KCNQ5: variants seen among roughly 807,000 people sequenced by gnomAD.
The protein encoded by KCNQ5 is potassium voltage-gated channel subfamily KQT member 5.
A neutral mutation model predicts 98.2 loss-of-function variants in KCNQ5; 30 were observed. That is an observed-to-expected ratio of 0.31 (90% CI 0.23 to 0.41). KCNQ5 has a LOEUF of 0.41. Among genes scored for constraint, KCNQ5 ranks in the 10% least tolerant of loss-of-function variants. The pLI, the probability that KCNQ5 is intolerant of heterozygous loss-of-function variation, is 1.00. For missense variants in KCNQ5, 835 were observed against 1,182.5 expected, an observed-to-expected ratio of 0.71 and a Z score of 4.31; for synonymous variants, 458 against 449.4, an observed-to-expected ratio of 1.02 and a Z score of -0.24.
chr6:72,771,991 C>A (rs183624044), intron 1 of KCNQ5, among the ~76,000 whole-genome samples: 3 of 152,148 alleles, frequency 2.0e-5, no homozygotes, highest in East Asian at 3.9e-4. Context: ...TGGTTTTCAG[C>A]AAATTCTAAC....
intron 1 of KCNQ5, among the ~76,000 whole-genome samples, chr6:72,962,765 G>A (rs1441542013): frequency 6.6e-6 from 1 of 152,164 alleles, no homozygotes; most frequent in African/African-American, 2.4e-5. Context: ...TGAGGCCACT[G>A]GAGCCAGGAC....
At chr6:72,944,726 C>A (rs1766458018) in intron 1 of KCNQ5, among the ~76,000 whole-genome samples, 1 of 152,186 alleles carries the variant, frequency 6.6e-6, no homozygotes, top group South Asian at 2.1e-4. Context: ...GAAAAACCTG[C>A]CACCAACCTG....
chr6:72,946,937 C>T (rs969948186), intron 1 of KCNQ5, among the ~76,000 whole-genome samples: 6 of 152,118 alleles, frequency 3.9e-5, no homozygotes, highest in Non-Finnish European at 7.4e-5. Flanking sequence ...ATGACCAGTC[C>T]CCAGACTTTT....
chr6:72,659,293 C>T (rs1353264730), intron 1 of KCNQ5, among the ~76,000 whole-genome samples: 1 of 152,154 alleles, frequency 6.6e-6, no homozygotes, highest in Non-Finnish European at 1.5e-5. Flanking sequence ...TCCTCATCCC[C>T]TCATTCCAAA....
intron 9 of KCNQ5, among the ~76,000 whole-genome samples, chr6:73,132,454 A>G (rs1349161470): frequency 6.6e-6 from 1 of 152,220 alleles, no homozygotes; most frequent in East Asian, 1.9e-4. Flanking sequence ...GATTCCCACA[A>G]GAATCCCTTA....
intron 1 of KCNQ5, among the ~76,000 whole-genome samples, chr6:72,961,071 AC>A (rs1054743479): frequency 6.6e-6 from 1 of 152,196 alleles, no homozygotes; most frequent in African/African-American, 2.4e-5. Context: ...GGAGTTTGAG[AC>A]CAGCCTGGGC....
At position 72,992,846 on chromosome 6, in the gene KCNQ5, G is replaced by T. The variant is rs1239252167; in HGVS notation, c.399-11062G>T. On this transcript the variant is annotated intron_variant, in intron 1 of 13. Transcript: ENST00000370398. ...CGCTTCCTTCAAGAGCTCTTTTAGG[G>T]CAGGCCTGGTGGTGACAAAATCTCT... 2.7e-4 allele frequency among the ~76,000 whole-genome samples: 26 copies of T among 96,206 alleles called. 1 individual carries two copies. The highest frequency in any genetic ancestry group is 1.3e-3 in the African/African-American group (25 of 18,840). 63.1% of individuals were successfully genotyped at this position (96,206 alleles called of 152,430 possible). A position where few individuals can be genotyped will look rare whatever the true frequency, so the allele number is the denominator to read the frequency against.
At chr6:73,144,587 C>T (rs1175575831) in intron 10 of KCNQ5, among the ~76,000 whole-genome samples, 1 of 152,180 alleles carries the variant, frequency 6.6e-6, no homozygotes, top group Non-Finnish European at 1.5e-5. Flanking sequence ...GACCCTATAT[C>T]TCTTCATGTT....
At chr6:73,020,060 G>T (rs867916164) in intron 2 of KCNQ5, among the ~76,000 whole-genome samples, 1 of 151,722 alleles carries the variant, frequency 6.6e-6, no homozygotes. Context: ...ATGTGTGGGG[G>T]TTTTTCCCTA....
At chr6:72,915,480 G>T (rs932431316) in intron 1 of KCNQ5, among the ~76,000 whole-genome samples, 2 of 151,932 alleles carry the variant, frequency 1.3e-5, no homozygotes, top group East Asian at 1.9e-4. Context: ...TTGATCAAAT[G>T]GCTTCCATAG....
At chr6:72,714,230 G>T (rs1210068260) in intron 1 of KCNQ5, among the ~76,000 whole-genome samples, 1 of 152,086 alleles carries the variant, frequency 6.6e-6, no homozygotes, top group Non-Finnish European at 1.5e-5. Flanking sequence ...ACTATCTTAG[G>T]TATTAAGTTC....
chr6:72,962,627 G>A (rs1399558133), intron 1 of KCNQ5, among the ~76,000 whole-genome samples: 1 of 152,180 alleles, frequency 6.6e-6, no homozygotes, highest in African/African-American at 2.4e-5. Context: ...GAGAATCACT[G>A]AAGGTTGTTA....
Position 73,170,252 on chromosome 6 carries a change from G to T in KCNQ5, c.1577+398G>T, listed in dbSNP as rs74931273. On this transcript the variant is annotated intron_variant, in intron 11 of 13. Transcript: ENST00000370398. ...AAGGCCTTGTAGGTTATTTCAAAATGGGTTGAGTTCTGAAAATGGGAAACC... is the reference window on the plus strand; with the variant it reads ...AAGGCCTTGTAGGTTATTTCAAAATTGGTTGAGTTCTGAAAATGGGAAACC... Among the ~76,000 whole-genome samples, 1,374 of 152,220 alleles carry T rather than the reference G, an allele frequency of 9.0e-3. 18 individuals carry two copies. The highest frequency in any genetic ancestry group is 0.061 in the East Asian group (317 of 5,182).
intron 11 of KCNQ5, among the ~76,000 whole-genome samples, chr6:73,175,672 T>C (rs751439252): frequency 3.9e-5 from 6 of 152,114 alleles, no homozygotes; most frequent in Middle Eastern, 3.2e-3. Flanking sequence ...GTTCAGTGCA[T>C]GCATTTGAAA....
At chr6:72,676,300 TTCTC>T (rs777006817) in intron 1 of KCNQ5, among the ~76,000 whole-genome samples, 11 of 151,498 alleles carry the variant, frequency 7.3e-5, no homozygotes, top group Non-Finnish European at 1.2e-4. Context: ...AATTTTGTCT[TTCTC>T]TCCCTTTTTC....
chr6:72,676,268 T>A (rs1474253771), intron 1 of KCNQ5, among the ~76,000 whole-genome samples: 1 of 152,236 alleles, frequency 6.6e-6, no homozygotes, highest in Admixed American at 6.5e-5. Context: ...TGTGGGAATG[T>A]AATGTATCTG....
intron 1 of KCNQ5, among the ~76,000 whole-genome samples, chr6:72,852,208 G>A (rs1777291135): frequency 6.6e-6 from 1 of 152,044 alleles, no homozygotes; most frequent in Non-Finnish European, 1.5e-5. Flanking sequence ...ACCTACCCCA[G>A]TGATGTGCTG....
intron 5 of KCNQ5, among the ~76,000 whole-genome samples, chr6:73,102,994 T>G (rs1285732477): frequency 6.6e-6 from 1 of 152,166 alleles, no homozygotes; most frequent in Non-Finnish European, 1.5e-5. Flanking sequence ...CAAAGAGATA[T>G]CTGCACTCTC....
chr6:72,822,222 C>T (rs1322232294), intron 1 of KCNQ5, among the ~76,000 whole-genome samples: 3 of 152,180 alleles, frequency 2.0e-5, no homozygotes, highest in Non-Finnish European at 4.4e-5. Context: ...CAGGCCACCC[C>T]ACCCTGCAAC....
Sources: gnomAD v4.1 joint callset for allele counts (sites outside exome capture counted in the v4.1 genomes callset) on GRCh38, gnomAD v4.1.1 for gene constraint, MANE v1.5 for transcripts, NCBI Gene and HGNC (gene_info 2026-07-23, HGNC 2026-07-21) for gene names.